Variants in NKX2-2 observed in about 807,000 individuals in gnomAD.
NKX2-2 encodes NK2 homeobox 2, also known as homeobox protein Nkx-2.2.
NKX2-2 carries 8 observed loss-of-function variants against 24.6 expected under a neutral mutation model. The ratio of observed to expected loss-of-function variants is 0.32; its 90% CI spans 0.19 to 0.59. The LOEUF (loss-of-function observed/expected upper bound fraction) is 0.59. NKX2-2 is among the 20% of genes least tolerant of loss of function. The pLI is 0.86. For missense variants in NKX2-2, 381 were observed against 373.9 expected, an observed-to-expected ratio of 1.02 and a Z score of -0.16; for synonymous variants, 217 against 173.3, an observed-to-expected ratio of 1.25 and a Z score of -1.98.
Position 21,513,291 on chromosome 20 carries a change from C to T in NKX2-2, c.259+120G>A. 1 of 1,076,564 alleles carries T rather than the reference C, an allele frequency of 9.3e-7. No homozygotes were observed. The highest frequency in any genetic ancestry group is 2.0e-5 in the South Asian group (1 of 50,032). The allele number at this position is 1,076,564 out of a possible 1,614,324, so 66.7% of individuals were successfully genotyped here. The stretch of plus-strand genomic sequence containing the variant: ...AGGTGTTAAAAATCTTTCTACGGAT[C>T]CGAGTGAGGGGGTCCGGGCTTACAT... On this transcript the variant is annotated intron_variant, in intron 1 of 1. Transcript: ENST00000377142. The surrounding 1 kb of genome is among the most constrained non-coding windows in gnomAD (Gnocchi z 4.6).
upstream of NKX2-2, among the ~76,000 whole-genome samples, chr20:21,515,107 C>CCTG (rs1260491612): frequency 6.6e-6 from 1 of 152,102 alleles, no homozygotes; most frequent in Non-Finnish European, 1.5e-5. Context: ...GGACCCTGGC[C>CCTG]CTGCTGCCTC....
the NKX2-2 span, among the ~76,000 whole-genome samples, chr20:21,521,115 A>C: frequency 6.6e-6 from 1 of 151,688 alleles, no homozygotes; most frequent in Non-Finnish European, 1.5e-5. Flanking sequence ...AAGGACAGGG[A>C]ATGCACCCTT....
At chr20:21,520,114 G>A in the NKX2-2 span, among the ~76,000 whole-genome samples, 1 of 152,184 alleles carries the variant, frequency 6.6e-6, no homozygotes, top group South Asian at 2.1e-4. Context: ...CAACTAAGAA[G>A]GAGTTGGGTA....
chr20:21,518,196 C>T (rs562078549), upstream of NKX2-2, among the ~76,000 whole-genome samples: 1 of 152,060 alleles, frequency 6.6e-6, no homozygotes, highest in East Asian at 1.9e-4. Context: ...ATGCCCCGGG[C>T]CGGAGGAGAT....
upstream of NKX2-2, among the ~76,000 whole-genome samples, chr20:21,515,591 C>CT (rs138462574): frequency 4.3e-4 from 63 of 146,006 alleles, no homozygotes; most frequent in African/African-American, 1.3e-3. Flanking sequence ...CTAGTTAAAA[C>CT]TTTTTTGGGG....
chr20:21,516,712 T>A (rs912880370), upstream of NKX2-2, among the ~76,000 whole-genome samples: 1 of 152,124 alleles, frequency 6.6e-6, no homozygotes, highest in Non-Finnish European at 1.5e-5. Flanking sequence ...AGCCACTAGG[T>A]TGGGGACCCA....
chr20:21,518,864 CGTGGACG>C (rs1206843025), upstream of NKX2-2, among the ~76,000 whole-genome samples: 1 of 152,232 alleles, frequency 6.6e-6, no homozygotes, highest in Non-Finnish European at 1.5e-5. Context: ...AAGTGGGCTC[CGTGGACG>C]GCATCCGACC....
At chr20:21,521,745 C>T in the NKX2-2 span, among the ~76,000 whole-genome samples, 1 of 152,234 alleles carries the variant, frequency 6.6e-6, no homozygotes, top group Non-Finnish European at 1.5e-5. Context: ...GCGGCCCCGC[C>T]AGCCGAGGCG....
At chr20:21,512,594 T>G in intron 1 of NKX2-2, 109 bp from the exon 2 acceptor site, 2 of 841,348 alleles carry the variant, frequency 2.4e-6, no homozygotes, top group Non-Finnish European at 3.6e-6. Flanking sequence ...CCTCCGCGCC[T>G]GGCAGCCCAG....
At chr20:21,518,169 G>A (rs541891383), upstream of NKX2-2, among the ~76,000 whole-genome samples, 2 of 152,246 alleles carry the variant, frequency 1.3e-5, no homozygotes, top group African/African-American at 4.8e-5. Flanking sequence ...CTGGGTGCTG[G>A]AAGTTCTGAA....
At chr20:21,514,326 C>T (rs1980557733), upstream of NKX2-2, among the ~76,000 whole-genome samples, 1 of 151,586 alleles carries the variant, frequency 6.6e-6, no homozygotes, top group African/African-American at 2.4e-5. Flanking sequence ...GGGAGCTCCG[C>T]GCTCCCAGCC....
At chr20:21,521,059 C>A in the NKX2-2 span, among the ~76,000 whole-genome samples, 1 of 151,872 alleles carries the variant, frequency 6.6e-6, no homozygotes, top group Non-Finnish European at 1.5e-5. Flanking sequence ...TTGTCGGTGG[C>A]GCGGAGAAGG....
chr20:21,518,915 A>G (rs374493833), upstream of NKX2-2, among the ~76,000 whole-genome samples: 37 of 152,046 alleles, frequency 2.4e-4, no homozygotes, highest in African/African-American at 8.9e-4. Flanking sequence ...ACCTCTTTGG[A>G]GACGGCGCTC....
rs1980455912 is a variant in NKX2-2, at chr20:21,512,103, T to C, written c.642A>G (p.Pro214=). The C allele has an allele frequency of 6.2e-7, 1 of 1,613,800 alleles. No individual in the cohort carries two copies. The highest frequency in any genetic ancestry group is 1.1e-5 in the South Asian group (1 of 91,072). ...AVPVLVRDGK[P]CHALKAQDLA... is the part of the protein sequence containing the mutation. The stretch of plus-strand genomic sequence containing the variant: ...GGTCCTGGGCTTTGAGCGCGTGACA[T>C]GGTTTGCCGTCCCTGACCAAGACGG... Residue 214 remains proline (P), a synonymous_variant, in exon 2 of 2, where the codon CCA becomes CCG. Transcript: ENST00000377142.
Position 21,512,275 on chromosome 20 carries a change from T to G in NKX2-2, c.470A>C (p.Glu157Ala). 6.2e-7 allele frequency: 1 copy of G among 1,613,642 alleles called. No individual in the cohort carries two copies. Among genetic ancestry groups the G allele is most frequent in the Non-Finnish European group, 8.5e-7 (1 of 1,179,928 alleles). ...GATGAGGCTGGCCAGGTGTTCGCGC[T>G]CGGGCGCCGACAGGTACCGCTGCTG... is the stretch of plus-strand genomic sequence containing the variant. ...FRQQRYLSAP[E>A]REHLASLIRL... Residue 157 changes from glutamate to alanine, a missense_variant, in exon 2 of 2, where the codon GAG (glutamate) becomes GCG (alanine). By Grantham distance (107) the Glu-to-Ala change is moderately radical (BLOSUM62 -1). Coordinates refer to ENST00000377142, the MANE Select transcript of NKX2-2 (RefSeq NM_002509.4).
In NKX2-2 at chr20:21,511,809, A is replaced by G. The variant is rs1980438318; in HGVS notation, c.*114T>C. The G allele has an allele frequency of 6.2e-6, 5 of 809,074 alleles. No homozygotes were observed. The South Asian group carries it at 7.8e-5, about 13-fold the overall frequency. 50.1% of individuals were successfully genotyped at this position (809,074 alleles called of 1,614,324 possible). A position where few individuals can be genotyped will look rare whatever the true frequency, so the allele number is the denominator to read the frequency against. Reference sequence around the variant, plus strand: ...TGGAGCCGAGAGTCAACTCGACTCCATAATAATAATTATAATAATAATAAT... The same window carrying G: ...TGGAGCCGAGAGTCAACTCGACTCCGTAATAATAATTATAATAATAATAAT... On this transcript the variant is annotated 3_prime_UTR_variant, in exon 2 of 2. Coordinates refer to ENST00000377142, the MANE Select transcript of NKX2-2 (RefSeq NM_002509.4).
chr20:21,514,359 A>G (rs948948667), upstream of NKX2-2, among the ~76,000 whole-genome samples: 1 of 151,300 alleles, frequency 6.6e-6, no homozygotes, highest in Non-Finnish European at 1.5e-5. Flanking sequence ...GAGCAAGATG[A>G]GAGGTGTAAC....
At chr20:21,517,151 G>T (rs750647771), upstream of NKX2-2, among the ~76,000 whole-genome samples, 19 of 152,302 alleles carry the variant, frequency 1.2e-4, no homozygotes, top group Non-Finnish European at 2.4e-4. Flanking sequence ...GTTTGCCTTT[G>T]CGCCTGCCCC....
chr20:21,515,864 C>A (rs931745250), upstream of NKX2-2, among the ~76,000 whole-genome samples: 1 of 152,174 alleles, frequency 6.6e-6, no homozygotes, highest in African/African-American at 2.4e-5. Flanking sequence ...CACCTCTCCC[C>A]GAGCCGCTCG....
Sources: allele counts gnomAD v4.1 joint callset (sites outside exome capture counted in the v4.1 genomes callset), GRCh38; gene constraint gnomAD v4.1.1; non-coding constraint Gnocchi (gnomAD v3.1); transcripts MANE v1.5; gene names NCBI Gene and HGNC (gene_info 2026-07-23, HGNC 2026-07-21).